NEXN: variants seen among roughly 807,000 people sequenced by gnomAD.
NEXN encodes nexilin F-actin binding protein.
NEXN carries 65 observed loss-of-function variants against 92.6 expected under a neutral mutation model. The ratio of observed to expected loss-of-function variants is 0.70; its 90% CI spans 0.57 to 0.86. The LOEUF (loss-of-function observed/expected upper bound fraction) is 0.86, where lower values mean the gene tolerates loss of function less well. Ranked by LOEUF, NEXN falls within the 40% of genes least tolerant of loss-of-function variation. The probability of loss-of-function intolerance (pLI) is 0.00; values close to 1 mark genes in which losing one functional copy is unlikely to be tolerated. For missense variants in NEXN, 778 were observed against 771.1 expected (o/e 1.01, Z -0.11); for synonymous variants, 254 against 242.5 (o/e 1.05, Z -0.44).
In NEXN at chr1:77,916,046, T is replaced by C; in HGVS notation, c.-52-9T>C. The C allele has an allele frequency of 8.9e-7, 1 of 1,129,140 alleles. No individual in the cohort carries two copies. Among genetic ancestry groups the C allele is most frequent in the South Asian group, 2.6e-5 (1 of 37,832 alleles). 69.9% of individuals were successfully genotyped at this position (1,129,140 alleles called of 1,614,324 possible). On this transcript the variant is annotated splice_polypyrimidine_tract_variant and intron_variant, in intron 1 of 12. Coordinates refer to ENST00000334785, the MANE Select transcript of NEXN (RefSeq NM_144573.4). ...TTAAAATTTATTATACAATATAAAT[T>C]TTTTTCAGGTGCAAATATATACAGA... is the stretch of plus-strand genomic sequence containing the variant.
chr1:77,915,826 A>T (rs1648931147), intron 1 of NEXN, among the ~76,000 whole-genome samples: 1 of 152,180 alleles, frequency 6.6e-6, no homozygotes, highest in African/African-American at 2.4e-5. Flanking sequence ...TAGTATGTTC[A>T]TCAAGCTATT....
intron 5 of NEXN, among the ~76,000 whole-genome samples, chr1:77,919,661 G>T (rs572730294): frequency 6.7e-6 from 1 of 150,342 alleles, no homozygotes; most frequent in Admixed American, 6.7e-5. Flanking sequence ...CTGGCTCGGT[G>T]CAATCTTGGC....
chr1:77,940,685 G>A (rs1651191720), intron 11 of NEXN, among the ~76,000 whole-genome samples: 1 of 152,152 alleles, frequency 6.6e-6, no homozygotes, highest in African/African-American at 2.4e-5. Flanking sequence ...CAAAAAAAGT[G>A]TATACTGTGA....
At chr1:77,937,049 C>A (rs1650821561) in intron 11 of NEXN, among the ~76,000 whole-genome samples, 2 of 152,280 alleles carry the variant, frequency 1.3e-5, no homozygotes, top group African/African-American at 2.4e-5. Flanking sequence ...GTGGCTCACA[C>A]CTGTAGTCTC....
chr1:77,920,160 C>T (rs566117831), intron 5 of NEXN, among the ~76,000 whole-genome samples: 1 of 152,054 alleles, frequency 6.6e-6, no homozygotes, highest in East Asian at 1.9e-4. Flanking sequence ...CTCGGCCTCC[C>T]AAAATGATTA....
chr1:77,938,376 T>TG (rs1257915165), intron 11 of NEXN, among the ~76,000 whole-genome samples: 1 of 151,946 alleles, frequency 6.6e-6, no homozygotes, highest in African/African-American at 2.4e-5. Flanking sequence ...TACAGCCGGG[T>TG]GCGGTGGCTC....
chr1:77,927,669 G>C (rs1392789277), intron 8 of NEXN, among the ~76,000 whole-genome samples: 2 of 151,830 alleles, frequency 1.3e-5, no homozygotes, highest in African/African-American at 4.8e-5. Flanking sequence ...GGGCCAGATT[G>C]TCTAGATTCA....
chr1:77,923,679 C>CTT (rs67301412), intron 5 of NEXN, among the ~76,000 whole-genome samples: 18 of 83,102 alleles, frequency 2.2e-4, no homozygotes, highest in African/African-American at 4.3e-4. Flanking sequence ...ATTGAGCTCT[C>CTT]TTTTTTTTTT....
At chr1:77,932,893 C>T (rs991810236) in intron 9 of NEXN, among the ~76,000 whole-genome samples, 2 of 152,088 alleles carry the variant, frequency 1.3e-5, no homozygotes, top group African/African-American at 2.4e-5. Context: ...TGGCCGGGTG[C>T]GTGGCTCACG....
chr1:77,891,775 A>G (rs1266799758), intron 1 of NEXN, among the ~76,000 whole-genome samples: 1 of 151,440 alleles, frequency 6.6e-6, no homozygotes, highest in Admixed American at 6.6e-5. Context: ...AAAAAATCAA[A>G]AACAAAAAAG....
chr1:77,940,384 C>T (rs1244418139), intron 11 of NEXN, among the ~76,000 whole-genome samples: 1 of 152,158 alleles, frequency 6.6e-6, no homozygotes, highest in Non-Finnish European at 1.5e-5. Flanking sequence ...ATATTACTAT[C>T]TTAGATTTCT....
intron 8 of NEXN, among the ~76,000 whole-genome samples, chr1:77,928,349 A>G (rs1424474829): frequency 6.6e-6 from 1 of 151,518 alleles, no homozygotes; most frequent in African/African-American, 2.4e-5. Context: ...GAATATTTGT[A>G]ATTTTAAAGT....
chr1:77,906,311 T>C (rs1571087033), intron 1 of NEXN, among the ~76,000 whole-genome samples: 1 of 152,310 alleles, frequency 6.6e-6, no homozygotes, highest in East Asian at 1.9e-4. Flanking sequence ...TCACAGAAGT[T>C]AACTGGCTCA....
intron 5 of NEXN, among the ~76,000 whole-genome samples, chr1:77,924,841 G>A (rs1209559566): frequency 6.6e-6 from 1 of 151,890 alleles, no homozygotes; most frequent in Non-Finnish European, 1.5e-5. Flanking sequence ...TGTACTTTTT[G>A]TAGAGAAGGG....
At chr1:77,898,258 C>T (rs1256515965) in intron 1 of NEXN, among the ~76,000 whole-genome samples, 3 of 152,194 alleles carry the variant, frequency 2.0e-5, no homozygotes, top group African/African-American at 7.2e-5. Flanking sequence ...TGACTTCAAA[C>T]TATACTACAA....
At chr1:77,904,119 A>G (rs966503783) in intron 1 of NEXN, among the ~76,000 whole-genome samples, 2 of 151,706 alleles carry the variant, frequency 1.3e-5, no homozygotes, top group African/African-American at 4.8e-5. Context: ...CAGCCTTCCT[A>G]GTAGCTGACA....
In NEXN at chr1:77,926,424, A is replaced by T. The variant is rs1409327676; in HGVS notation, c.500A>T (p.Asp167Val). 1 of 1,596,070 alleles carries T rather than the reference A, an allele frequency of 6.3e-7. No individual in the cohort carries two copies. Among genetic ancestry groups the T allele is most frequent in the Non-Finnish European group, 8.6e-7 (1 of 1,167,572 alleles). ...TATTTTATAAAATAGGAAGGAGATG[A>T]TTCACTACTTATAACTGTGGTACCT... ...GTESASEEGD[D>V]SLLITVVPVK... The change falls in exon 7 of 13, where the codon GAT (aspartate) becomes GTT (valine). Residue 167 changes from aspartate to valine, a missense_variant. Physicochemically the swap from Asp to Val is radical, Grantham distance 152. Transcript: ENST00000334785.
chr1:77,905,242 G>A (rs1648026356), intron 1 of NEXN, among the ~76,000 whole-genome samples: 1 of 138,490 alleles, frequency 7.2e-6, no homozygotes, highest in Admixed American at 7.4e-5. Flanking sequence ...CTGGGCAGTG[G>A]AGTGAGACTC....
At chr1:77,922,057 C>T (rs1343109700) in intron 5 of NEXN, among the ~76,000 whole-genome samples, 1 of 152,008 alleles carries the variant, frequency 6.6e-6, no homozygotes, top group Non-Finnish European at 1.5e-5. Context: ...CATGAACCAC[C>T]ATGTCCAGCC....
Sources: allele counts gnomAD v4.1 joint callset (sites outside exome capture counted in the v4.1 genomes callset), GRCh38; gene constraint gnomAD v4.1.1; transcripts MANE v1.5; gene names NCBI Gene and HGNC (gene_info 2026-07-23, HGNC 2026-07-21).